The following DNAJC1 variants were observed in gnomAD, a reference collection of about 807,000 sequenced individuals.
DNAJC1 encodes DnaJ heat shock protein family (Hsp40) member C1, also known as dnaJ homolog subfamily C member 1.
Under a neutral mutation model 76.6 loss-of-function variants are expected in DNAJC1, and 58 were observed. That is an observed-to-expected ratio of 0.76 (90% CI 0.61 to 0.94). DNAJC1 has a LOEUF of 0.94. DNAJC1 is among the 40% of genes least tolerant of loss of function. The probability of loss-of-function intolerance (pLI) is 0.00; values close to 1 mark genes in which losing one functional copy is unlikely to be tolerated. For missense variants in DNAJC1, 689 were observed against 677.3 expected (o/e 1.02, Z -0.19); for synonymous variants, 258 against 267.9 (o/e 0.96, Z 0.36).
chr10:21,878,479 C>T (rs1319368342), intron 8 of DNAJC1, among the ~76,000 whole-genome samples: 1 of 152,070 alleles, frequency 6.6e-6, no homozygotes, highest in Admixed American at 6.5e-5. Flanking sequence ...GCAAATGGTG[C>T]CATGTACAGT....
chr10:21,773,568 G>A (rs1834415711), intron 9 of DNAJC1, among the ~76,000 whole-genome samples: 1 of 152,142 alleles, frequency 6.6e-6, no homozygotes, highest in African/African-American at 2.4e-5. Flanking sequence ...CCTGGACAAT[G>A]TTCCATGTGT....
intron 1 of DNAJC1, among the ~76,000 whole-genome samples, chr10:21,998,672 C>A (rs1838461976): frequency 6.6e-6 from 1 of 151,800 alleles, no homozygotes; most frequent in South Asian, 2.1e-4. Context: ...CTGTATATAC[C>A]CCCCAACAAA....
intron 8 of DNAJC1, among the ~76,000 whole-genome samples, chr10:21,856,687 G>A (rs938296338): frequency 6.6e-6 from 1 of 151,874 alleles, no homozygotes; most frequent in Non-Finnish European, 1.5e-5. Context: ...TACACTGCAA[G>A]ATAGTTGGAA....
chr10:21,774,346 C>T (rs1314625382), intron 9 of DNAJC1, among the ~76,000 whole-genome samples: 1 of 152,074 alleles, frequency 6.6e-6, no homozygotes, highest in East Asian at 1.9e-4. Flanking sequence ...CATTTGAGGT[C>T]AACTGGCAAA....
chr10:21,957,125 C>T (rs1043486525), intron 1 of DNAJC1, among the ~76,000 whole-genome samples: 6 of 151,820 alleles, frequency 4.0e-5, no homozygotes, highest in African/African-American at 7.3e-5. Flanking sequence ...CTCCTGACCT[C>T]GTGATCCACC....
chr10:21,797,035 T>C (rs1371030001), intron 9 of DNAJC1, among the ~76,000 whole-genome samples: 1 of 152,170 alleles, frequency 6.6e-6, no homozygotes, highest in African/African-American at 2.4e-5. Context: ...ACCAATGTCA[T>C]GAGGCTTTCT....
At chr10:21,786,220 A>T (rs1335214470) in intron 9 of DNAJC1, among the ~76,000 whole-genome samples, 2 of 151,918 alleles carry the variant, frequency 1.3e-5, no homozygotes, top group African/African-American at 4.8e-5. Context: ...TCCAAGAGGC[A>T]GAGAGGTCCA....
At chr10:21,916,435 G>A (rs1836957900) in intron 6 of DNAJC1, among the ~76,000 whole-genome samples, 1 of 152,128 alleles carries the variant, frequency 6.6e-6, no homozygotes, top group African/African-American at 2.4e-5. Flanking sequence ...CTTGCAGTGA[G>A]CCGAGATCGC....
chr10:22,003,283 C>A lies in DNAJC1; in HGVS notation c.152G>T (p.Gly51Val), dbSNP rs775151141. The change falls in exon 1 of 12, where the codon GGA becomes GTA. Residue 51 changes from glycine (G) to valine (V), a missense_variant. Gly to Val is a moderately radical substitution (Grantham distance 109). Transcript: ENST00000376980. ...AVAPARGWESGDLELFDLVEE... is the reference protein window; with the variant it reads ...AVAPARGWESVDLELFDLVEE... Reference sequence around the variant, plus strand: ...CACTAAGTCAAACAACTCCAGGTCTCCGCTCTCCCAGCCGCGCGCCGGCGC... The same window carrying A: ...CACTAAGTCAAACAACTCCAGGTCTACGCTCTCCCAGCCGCGCGCCGGCGC... 7 of 1,544,310 alleles carry A rather than the reference C, an allele frequency of 4.5e-6. No individual in the cohort carries two copies. The East Asian group carries it at 1.3e-4, about 29-fold the overall frequency.
chr10:21,979,004 A>G (rs936171087), intron 1 of DNAJC1, among the ~76,000 whole-genome samples: 2 of 152,028 alleles, frequency 1.3e-5, no homozygotes, highest in Non-Finnish European at 2.9e-5. Context: ...TACAATTAGT[A>G]AACAGCGGAA....
chr10:21,767,125 T>C (rs886599212), intron 9 of DNAJC1, among the ~76,000 whole-genome samples: 5 of 152,216 alleles, frequency 3.3e-5, no homozygotes, highest in African/African-American at 1.2e-4. Flanking sequence ...ATGCTAATAG[T>C]GTTATAAGAT....
At chr10:22,002,339 C>A (rs764684856) in intron 1 of DNAJC1, among the ~76,000 whole-genome samples, 9 of 152,158 alleles carry the variant, frequency 5.9e-5, no homozygotes, top group Non-Finnish European at 1.3e-4. Context: ...TCTTCTCCTT[C>A]GCACAAGGCT....
chr10:21,848,462 T>A (rs1189701828), intron 8 of DNAJC1, among the ~76,000 whole-genome samples: 1 of 152,226 alleles, frequency 6.6e-6, no homozygotes, highest in African/African-American at 2.4e-5. Context: ...TTTTTGTCTA[T>A]TTTTGCTTTT....
At chr10:21,953,100 G>GT (rs1837624409) in intron 1 of DNAJC1, among the ~76,000 whole-genome samples, 2 of 151,950 alleles carry the variant, frequency 1.3e-5, no homozygotes, top group South Asian at 4.1e-4. Flanking sequence ...ACTGAAGAAA[G>GT]TAAGAATATT....
chr10:21,883,688 T>C (rs1213294699), intron 7 of DNAJC1, among the ~76,000 whole-genome samples: 2 of 152,196 alleles, frequency 1.3e-5, no homozygotes, highest in Non-Finnish European at 2.9e-5. Context: ...CAGTACACTG[T>C]AGAGGATCAG....
At position 21,888,692 on chromosome 10, in the gene DNAJC1, A is replaced by G. The variant is rs114751688; in HGVS notation, c.821-6253T>C. On this transcript the variant is annotated intron_variant, in intron 7 of 11. Coordinates refer to ENST00000376980, the MANE Select transcript of DNAJC1 (RefSeq NM_022365.4). ...AACCAAGAATAGAAAACCAAATACC[A>G]TATGTTTTCACTTACAAGTGAGAGC... Among the ~76,000 whole-genome samples, 1,283 of 152,266 alleles carry G rather than the reference A, an allele frequency of 8.4e-3. 12 individuals are homozygous for G. The highest frequency in any genetic ancestry group is 0.029 in the African/African-American group (1,191 of 41,546).
intron 3 of DNAJC1, among the ~76,000 whole-genome samples, chr10:21,926,264 T>C (rs924272813): frequency 2.0e-5 from 3 of 151,598 alleles, no homozygotes; most frequent in Admixed American, 6.6e-5. Context: ...CCTTTCCTTT[T>C]TTTTTTTTTT....
chr10:21,813,070 C>CAT (rs1278178220), intron 8 of DNAJC1, among the ~76,000 whole-genome samples: 1 of 110,296 alleles, frequency 9.1e-6, no homozygotes, highest in East Asian at 3.0e-4. Context: ...TACATATATA[C>CAT]ATATATATAC....
chr10:21,902,102 TAAAAG>T (rs1362397335), intron 7 of DNAJC1, among the ~76,000 whole-genome samples: 1 of 152,188 alleles, frequency 6.6e-6, no homozygotes, highest in Non-Finnish European at 1.5e-5. Context: ...ATACCACTGA[TAAAAG>T]AAGCATGCAA....
Sources: allele counts gnomAD v4.1 joint callset (sites outside exome capture counted in the v4.1 genomes callset), GRCh38; gene constraint gnomAD v4.1.1; transcripts MANE v1.5; gene names NCBI Gene and HGNC (gene_info 2026-07-23, HGNC 2026-07-21).